Variants in AK8 observed in about 807,000 individuals in gnomAD.
The protein encoded by AK8 is adenylate kinase 8.
Under a neutral mutation model 54.6 loss-of-function variants are expected in AK8, and 44 were observed. The ratio of observed to expected loss-of-function variants is 0.81; its 90% CI spans 0.63 to 1.04. The LOEUF is 1.04. Among genes scored for constraint, AK8 ranks in the 50% least tolerant of loss-of-function variants. AK8 has a pLI of 0.00. For synonymous variants in AK8, 239 were observed against 245.6 expected (o/e 0.97, Z 0.25); for missense variants, 555 against 613.6 (o/e 0.90, Z 1.01).
intron 8 of AK8, among the ~76,000 whole-genome samples, chr9:132,825,703 C>T (rs1243264135): frequency 1.3e-5 from 2 of 152,206 alleles, no homozygotes; most frequent in Non-Finnish European, 1.5e-5. Context: ...AGCACCGAGT[C>T]TACCAGCAGG....
Position 132,792,786 on chromosome 9 carries a change from G to A in AK8, c.980-11C>T. On this transcript the variant is annotated splice_polypyrimidine_tract_variant and intron_variant, in intron 10 of 12. Coordinates refer to ENST00000298545, the MANE Select transcript of AK8 (RefSeq NM_152572.3). The stretch of plus-strand genomic sequence containing the variant: ...GGAGGCTGTCAGGAACTGCAGAGAA[G>A]GGGGGCAAGTGAGTACCCTGCTGGC... The A allele has an allele frequency of 2.6e-6, 4 of 1,556,812 alleles. No homozygotes were observed. Among genetic ancestry groups the A allele is most frequent in the South Asian group, 2.4e-5 (2 of 84,076 alleles).
At chr9:132,792,843 T>G (rs554954285) in intron 10 of AK8, 68 bp from the exon 11 acceptor site, 29 of 1,492,208 alleles carry the variant, frequency 1.9e-5, no homozygotes, top group Admixed American at 4.4e-5. Context: ...CTTCCTAACT[T>G]TACTTGGCCA....
chr9:132,859,043 G>T (rs907247529), intron 4 of AK8, among the ~76,000 whole-genome samples: 8 of 152,222 alleles, frequency 5.3e-5, no homozygotes, highest in Non-Finnish European at 1.2e-4. Flanking sequence ...ACTCAGGAAA[G>T]GGAGGGAGAG....
chr9:132,876,987 G>A (rs1261738240), intron 1 of AK8, among the ~76,000 whole-genome samples: 1 of 152,134 alleles, frequency 6.6e-6, no homozygotes, highest in Non-Finnish European at 1.5e-5. Context: ...GATTGCTTGA[G>A]CCCAGGAGTT....
At chr9:132,726,259 C>A in intron 12 of AK8, among the ~76,000 whole-genome samples, 1 of 150,464 alleles carries the variant, frequency 6.6e-6, no homozygotes, top group South Asian at 2.1e-4. Context: ...CCCCTCCCTC[C>A]CCTATCCTCC....
chr9:132,752,251 CT>C (rs753096887), intron 11 of AK8, among the ~76,000 whole-genome samples: 4,023 of 133,916 alleles, frequency 0.03, 55 homozygotes, highest in African/African-American at 0.061. Flanking sequence ...CATTTTCTAA[CT>C]TTTTTTTTTT....
chr9:132,788,213 A>T (rs909171397), intron 11 of AK8, among the ~76,000 whole-genome samples: 2 of 152,188 alleles, frequency 1.3e-5, no homozygotes, highest in African/African-American at 4.8e-5. Flanking sequence ...GGAAAGGAAA[A>T]ACAAAAAAAA....
In AK8 at chr9:132,770,597, T is replaced by A. The variant is rs1297315575; in HGVS notation, c.1121+22037A>T. On this transcript the variant is annotated intron_variant, in intron 11 of 12. Coordinates refer to ENST00000298545, the MANE Select transcript of AK8 (RefSeq NM_152572.3). The surrounding 1 kb of genome is among the most constrained non-coding windows in gnomAD (Gnocchi z 4.3). ...GTCAGTGGTGACTTCCGGGATTGAA[T>A]TGGCTGGGAAGCCGGTCCCATTTCA... is the stretch of plus-strand genomic sequence containing the variant. Among the ~76,000 whole-genome samples, 1 of 152,128 alleles carries A rather than the reference T, an allele frequency of 6.6e-6. No individual in the cohort carries two copies. The highest frequency in any genetic ancestry group is 2.4e-5 in the African/African-American group (1 of 41,438).
At chr9:132,871,626 A>AG (rs1843837761) in intron 2 of AK8, among the ~76,000 whole-genome samples, 1 of 152,224 alleles carries the variant, frequency 6.6e-6, no homozygotes. Flanking sequence ...GCTGGCCCCC[A>AG]GCTAGAGACG....
intron 11 of AK8, among the ~76,000 whole-genome samples, chr9:132,757,046 C>T (rs1056629781): frequency 1.3e-5 from 2 of 152,218 alleles, no homozygotes; most frequent in South Asian, 2.1e-4. Flanking sequence ...TACATAATTT[C>T]GGAATCATCG....
chr9:132,794,384 C>T (rs1049401611), intron 10 of AK8, among the ~76,000 whole-genome samples: 19 of 152,162 alleles, frequency 1.2e-4, no homozygotes, highest in African/African-American at 4.1e-4. Flanking sequence ...TCCCTTCGAA[C>T]GTGCCACCTC....
intron 9 of AK8, among the ~76,000 whole-genome samples, chr9:132,822,600 T>A (rs1230168570): frequency 6.6e-6 from 1 of 152,100 alleles, no homozygotes; most frequent in African/African-American, 2.4e-5. Context: ...AGTTTCTTCC[T>A]GATTCCCATC....
At chr9:132,732,166 C>A (rs504790) in intron 11 of AK8, among the ~76,000 whole-genome samples, 7 of 151,828 alleles carry the variant, frequency 4.6e-5, no homozygotes, top group African/African-American at 9.7e-5. Flanking sequence ...AAAAAATCCC[C>A]TTTTCTATAT....
chr9:132,823,409 T>C (rs1414458178), intron 8 of AK8, 73 bp from the exon 9 acceptor site: 1 of 1,588,976 alleles, frequency 6.3e-7, no homozygotes, highest in Non-Finnish European at 8.6e-7. Context: ...GCCCCTCTGC[T>C]TTGACTCTTT....
At chr9:132,838,387 C>G (rs1842409360) in intron 5 of AK8, among the ~76,000 whole-genome samples, 1 of 152,136 alleles carries the variant, frequency 6.6e-6, no homozygotes, top group South Asian at 2.1e-4. Flanking sequence ...GAGGAGTCAA[C>G]CTGGGAACAC....
chr9:132,755,077 G>A (rs1838124053), intron 11 of AK8, among the ~76,000 whole-genome samples: 1 of 152,178 alleles, frequency 6.6e-6, no homozygotes, highest in Non-Finnish European at 1.5e-5. Context: ...GGGATTACAG[G>A]CATGAGCCAC....
intron 8 of AK8, among the ~76,000 whole-genome samples, chr9:132,825,650 G>A (rs370242943): frequency 4.8e-4 from 73 of 152,218 alleles, no homozygotes; most frequent in Admixed American, 2.0e-3. Flanking sequence ...AATCCACGCC[G>A]GCAAACACCG....
chr9:132,756,733 T>C (rs1838206484), intron 11 of AK8, among the ~76,000 whole-genome samples: 1 of 152,128 alleles, frequency 6.6e-6, no homozygotes, highest in African/African-American at 2.4e-5. Context: ...GCACGTCACC[T>C]AATTTATCTC....
Position 132,865,139 on chromosome 9 carries a change from G to T in AK8, c.220-1361C>A, listed in dbSNP as rs560214076. The stretch of plus-strand genomic sequence containing the variant: ...GTCTGGGAGTCCCTGGCTTCTAATT[G>T]TGAAACAGCAAAATGGTTGGACTCA... On this transcript the variant is annotated intron_variant, in intron 3 of 12. Transcript: ENST00000298545. 8.5e-5 allele frequency among the ~76,000 whole-genome samples: 13 copies of T among 152,298 alleles called. No individual in the cohort carries two copies. The South Asian group carries it at 2.5e-3, about 29-fold the overall frequency.
Sources: gnomAD v4.1 joint callset for allele counts (sites outside exome capture counted in the v4.1 genomes callset) on GRCh38, gnomAD v4.1.1 for gene constraint, Gnocchi (gnomAD v3.1) non-coding constraint, MANE v1.5 for transcripts, NCBI Gene and HGNC (gene_info 2026-07-23, HGNC 2026-07-21) for gene names.